The following ZNF730 variants were observed in gnomAD, a reference collection of about 807,000 sequenced individuals.
ZNF730 encodes putative zinc finger protein 730.
In ZNF730, 12 loss-of-function variants were observed where a neutral mutation model predicts 12.6. The ratio of observed to expected loss-of-function variants is 0.95; its 90% CI spans 0.61 to 1.54. The LOEUF (loss-of-function observed/expected upper bound fraction) is 1.54, where lower values mean the gene tolerates loss of function less well. Ranked by LOEUF, ZNF730 falls within the 40% of genes most tolerant of loss-of-function variation. The pLI is 0.00. For missense variants in ZNF730, 643 were observed against 583.5 expected (o/e 1.10, Z -1.05); for synonymous variants, 194 against 195.8 (o/e 0.99, Z 0.08).
At chr19:23,135,468 T>G (rs1599598220) in intron 2 of ZNF730, among the ~76,000 whole-genome samples, 1 of 151,848 alleles carries the variant, frequency 6.6e-6, no homozygotes, top group African/African-American at 2.4e-5. Flanking sequence ...TAAGAACCTA[T>G]AAAATTAAAA....
At chr19:23,128,754 G>T (rs1970704030) in intron 1 of ZNF730, among the ~76,000 whole-genome samples, 1 of 152,168 alleles carries the variant, frequency 6.6e-6, no homozygotes, top group African/African-American at 2.4e-5. Context: ...CTCATTTTTT[G>T]AGGAGAAATT....
intron 1 of ZNF730, among the ~76,000 whole-genome samples, chr19:23,081,332 T>G (rs556278260): frequency 1.6e-3 from 244 of 152,040 alleles, no homozygotes; most frequent in Middle Eastern, 3.4e-3. Flanking sequence ...TTGTTTTTCT[T>G]TTTTTGAGAT....
chr19:23,140,934 A>C (rs1168201943), intron 3 of ZNF730, among the ~76,000 whole-genome samples: 1 of 152,022 alleles, frequency 6.6e-6, no homozygotes, highest in Non-Finnish European at 1.5e-5. Flanking sequence ...CCTGGGTGAC[A>C]GAGCGAGATT....
upstream of ZNF730, among the ~76,000 whole-genome samples, chr19:23,112,451 C>T (rs952410512): frequency 5.3e-5 from 8 of 152,070 alleles, no homozygotes; most frequent in Admixed American, 3.3e-4. Context: ...AGGCCAGGCA[C>T]GGTGGCTAAT....
intron 1 of ZNF730, among the ~76,000 whole-genome samples, chr19:23,107,469 A>AAAAC (rs1568307646): frequency 6.7e-6 from 1 of 149,022 alleles, no homozygotes; most frequent in African/African-American, 2.5e-5. Context: ...AAAAAAAAAA[A>AAAAC]AAAAAACCAC....
At chr19:23,095,171 A>G (rs1416945004) in intron 1 of ZNF730, 1 of 385,586 alleles carries the variant, frequency 2.6e-6, no homozygotes, top group Non-Finnish European at 4.6e-6. Context: ...TGACTATCTT[A>G]CTGCCTTGAC....
intron 1 of ZNF730, among the ~76,000 whole-genome samples, chr19:23,094,444 T>TA (rs1555712326): frequency 6.6e-6 from 1 of 151,042 alleles, no homozygotes; most frequent in South Asian, 2.1e-4. Flanking sequence ...GGTAGGTAGG[T>TA]GGTAGGTAGG....
chr19:23,107,149 A>T (rs1246801803), intron 1 of ZNF730, among the ~76,000 whole-genome samples: 1 of 149,302 alleles, frequency 6.7e-6, no homozygotes, highest in Non-Finnish European at 1.5e-5. Context: ...TGAAGCCTCC[A>T]CCTCCCAGGT....
In ZNF730 at chr19:23,145,301, G is replaced by T. The variant is rs771995038; in HGVS notation, c.257G>T (p.Trp86Leu). 1 of 1,566,314 alleles carries T rather than the reference G, an allele frequency of 6.4e-7. No individual in the cohort carries two copies. ...VICSHIAQDL[W>L]PEQGIKDYFQ... ...TGTTCTCATATTGCCCAAGACCTTT[G>T]GCCAGAGCAAGGCATAAAAGATTAT... Residue 86 changes from tryptophan to leucine, a missense_variant, in exon 4 of 4, where the codon TGG becomes TTG. Coordinates refer to ENST00000597761, the MANE Select transcript of ZNF730 (RefSeq NM_001277403.2).
intron 1 of ZNF730, among the ~76,000 whole-genome samples, chr19:23,079,164 A>G (rs2145430555): frequency 6.6e-6 from 1 of 151,474 alleles, no homozygotes; most frequent in South Asian, 2.1e-4. Context: ...AATTTTTTCT[A>G]GGTTTTCAAT....
Position 23,083,595 on chromosome 19 carries a change from G to GTT in ZNF730, c.-94+8220_-94+8221dup, listed in dbSNP as rs541018274. 9.8e-3 allele frequency among the ~76,000 whole-genome samples: 1,368 copies of GTT among 139,636 alleles called. 12 individuals carry two copies. The highest frequency in any genetic ancestry group is 0.014 in the Non-Finnish European group (890 of 63,778). The allele number at this position is 139,636 out of a possible 152,430, so 91.6% of individuals were successfully genotyped here. ...CTTTATTACATCCTCATTAGTGCTT[G>GTT]TTTTTTTTTTTTTAAGTATAGCCAT... On this transcript the variant is annotated intron_variant, in intron 1 of 2. Coordinates refer to the ZNF730 transcript ENST00000593635.
chr19:23,147,056 G>A lies in ZNF730; in HGVS notation c.*500G>A, dbSNP rs565501376. On this transcript the variant is annotated 3_prime_UTR_variant, in exon 4 of 4. Coordinates refer to ENST00000597761, the MANE Select transcript of ZNF730 (RefSeq NM_001277403.2). ...CATACTGGAGAAAACTTCTACAAGT[G>A]TAAACAAAGTGGCAAAACTTTTAAC... is the stretch of plus-strand genomic sequence containing the variant. 4.0e-4 allele frequency: 105 copies of A among 260,258 alleles called. No individual in the cohort carries two copies. Among genetic ancestry groups the A allele is most frequent in the African/African-American group, 2.3e-3 (103 of 44,652 alleles). 16.1% of individuals were successfully genotyped at this position (260,258 alleles called of 1,614,324 possible).
intron 3 of ZNF730, among the ~76,000 whole-genome samples, chr19:23,141,211 G>A (rs893475394): frequency 3.3e-5 from 5 of 151,952 alleles, no homozygotes; most frequent in Middle Eastern, 3.4e-3. Flanking sequence ...TGGCTAACAC[G>A]GTGAAACCCC....
chr19:23,134,253 C>G (rs529873703), intron 2 of ZNF730, 47 bp downstream of exon 2: 938 of 1,425,332 alleles, frequency 6.6e-4, no homozygotes, highest in Non-Finnish European at 8.4e-4. Flanking sequence ...CTATAGATTT[C>G]ATTTATTTTT....
intron 1 of ZNF730, among the ~76,000 whole-genome samples, chr19:23,106,192 G>T (rs538041839): frequency 6.6e-6 from 1 of 151,740 alleles, no homozygotes; most frequent in Non-Finnish European, 1.5e-5. Flanking sequence ...GAAGGAGGAG[G>T]AGAAAAGGAA....
chr19:23,109,385 C>G (rs547322913), intron 1 of ZNF730, among the ~76,000 whole-genome samples: 25 of 150,988 alleles, frequency 1.7e-4, no homozygotes, highest in Non-Finnish European at 2.7e-4. Flanking sequence ...CACACCACCA[C>G]GCCCAGCTAA....
At position 23,080,251 on chromosome 19, in the gene ZNF730, T is replaced by C. The variant is rs111675671; in HGVS notation, c.-94+4864T>C. On this transcript the variant is annotated intron_variant, in intron 1 of 2. Coordinates refer to the ZNF730 transcript ENST00000593635. ...TACTCATTTGTAAAGGGACATTTGCTTCCAGGTATTATCTTTTGTGAGTCA... is the reference window on the plus strand; with the variant it reads ...TACTCATTTGTAAAGGGACATTTGCCTCCAGGTATTATCTTTTGTGAGTCA... Among the ~76,000 whole-genome samples, 97 of 152,372 alleles carry C rather than the reference T, an allele frequency of 6.4e-4. 1 individual carries two copies. The highest frequency in any genetic ancestry group is 2.3e-3 in the African/African-American group (96 of 41,594).
At position 23,145,803 on chromosome 19, in the gene ZNF730, A is replaced by G. The variant is rs1599604386; in HGVS notation, c.759A>G (p.Glu253=). ...FTTHKRIHTG[E]KPYQCEKCGK... is the part of the protein sequence containing the mutation. ...CACATAAGAGAATTCATACTGGAGA[A>G]AAACCCTACCAATGTGAGAAATGTG... The change falls in exon 4 of 4, where the codon GAA becomes GAG. Residue 253 remains glutamate, a synonymous_variant. Transcript: ENST00000597761. 6.3e-7 allele frequency: 1 copy of G among 1,590,812 alleles called. No individual in the cohort carries two copies. Among genetic ancestry groups the G allele is most frequent in the Non-Finnish European group, 8.5e-7 (1 of 1,170,020 alleles).
intron 1 of ZNF730, among the ~76,000 whole-genome samples, chr19:23,132,747 CTTAT>C (rs1970760891): frequency 6.6e-6 from 1 of 151,992 alleles, no homozygotes; most frequent in Non-Finnish European, 1.5e-5. Context: ...TAAGAAAATG[CTTAT>C]TTAAACAGGG....
Sources: allele counts gnomAD v4.1 joint callset (sites outside exome capture counted in the v4.1 genomes callset), GRCh38; gene constraint gnomAD v4.1.1; transcripts MANE v1.5; gene names NCBI Gene and HGNC (gene_info 2026-07-23, HGNC 2026-07-21).